STARD9: variants seen among roughly 807,000 people sequenced by gnomAD.
STARD9 encodes stAR-related lipid transfer protein 9.
A neutral mutation model predicts 399.8 loss-of-function variants in STARD9; 346 were observed. The ratio of observed to expected loss-of-function variants is 0.87; its 90% CI spans 0.79 to 0.95. STARD9 has a LOEUF of 0.95. Among genes scored for constraint, STARD9 ranks in the 40% least tolerant of loss-of-function variants. The probability of loss-of-function intolerance (pLI) is 0.00; values close to 1 mark genes in which losing one functional copy is unlikely to be tolerated. For synonymous variants in STARD9, 2,203 were observed against 2,143.5 expected (o/e 1.03, Z -0.77); for missense variants, 5,832 against 5,667.5 (o/e 1.03, Z -0.93).
intron 7 of STARD9, among the ~76,000 whole-genome samples, chr15:42,646,189 G>GATAATAATA (rs904271705): frequency 6.6e-6 from 1 of 151,464 alleles, no homozygotes; most frequent in African/African-American, 2.4e-5. Flanking sequence ...TAATAATAAT[G>GATAATAATA]ATAATAATAA....
Position 42,682,562 on chromosome 15 carries a change from C to A in STARD9, c.2524C>A (p.Pro842Thr), listed in dbSNP as rs776501196. The A allele has an allele frequency of 6.5e-6, 10 of 1,535,602 alleles. No homozygotes were observed. Among genetic ancestry groups the A allele is most frequent in the South Asian group, 1.2e-5 (1 of 83,912 alleles). ...SPQRLCSKHM[P>T]QLHSIFLSWD... The stretch of plus-strand genomic sequence containing the variant: ...CCAAAGACTCTGCAGCAAGCACATG[C>A]CCCAGCTACACAGGTACAGCCAGTA... Residue 842 changes from proline to threonine, a missense_variant, in exon 22 of 33, where the codon CCC (proline) becomes ACC (threonine). Coordinates refer to ENST00000290607, the MANE Select transcript of STARD9 (RefSeq NM_020759.3).
intron 9 of STARD9, among the ~76,000 whole-genome samples, chr15:42,658,124 T>G (rs1054767495): frequency 6.6e-6 from 1 of 152,116 alleles, no homozygotes; most frequent in African/African-American, 2.4e-5. Flanking sequence ...ATCGAGTTAA[T>G]CACAATTTCA....
At chr15:42,631,566 C>T (rs1052587355) in intron 3 of STARD9, among the ~76,000 whole-genome samples, 4 of 150,974 alleles carry the variant, frequency 2.6e-5, no homozygotes, top group African/African-American at 4.9e-5. Context: ...GGTGACAGAG[C>T]GAGATTCCGT....
At chr15:42,619,028 CTG>C (rs2059031403) in intron 3 of STARD9, among the ~76,000 whole-genome samples, 1 of 151,902 alleles carries the variant, frequency 6.6e-6, no homozygotes. Context: ...GTTTTCTAGT[CTG>C]TTAATTTCAG....
intron 20 of STARD9, among the ~76,000 whole-genome samples, chr15:42,677,860 C>A (rs549460256): frequency 6.6e-6 from 1 of 152,302 alleles, no homozygotes; most frequent in South Asian, 2.1e-4. Context: ...CTTTCTTGTC[C>A]TCCTGTCTCA....
intron 3 of STARD9, among the ~76,000 whole-genome samples, chr15:42,587,768 T>C (rs1454925174): frequency 1.3e-5 from 2 of 152,184 alleles, no homozygotes; most frequent in Non-Finnish European, 2.9e-5. Flanking sequence ...TTTCTCCGTG[T>C]TGGTCAGGCT....
intron 3 of STARD9, among the ~76,000 whole-genome samples, chr15:42,602,680 A>G (rs767836352): frequency 2.6e-4 from 39 of 152,212 alleles, no homozygotes; most frequent in Non-Finnish European, 1.3e-4. Flanking sequence ...TGAAGTTGCA[A>G]AAGTCACACT....
rs2060018681 is a variant in STARD9 at position 42,662,946 on chromosome 15, T to G, written c.868+55T>G. On this transcript the variant is annotated intron_variant, in intron 11 of 32. Coordinates refer to ENST00000290607, the MANE Select transcript of STARD9 (RefSeq NM_020759.3). ...GGGAGAGTTCGGAAAATAACTCATG[T>G]TTTCATTTTGTCGCAATAGGGTAGA... 13 of 1,300,464 alleles carry G rather than the reference T, an allele frequency of 1.0e-5. No individual in the cohort carries two copies. In the Admixed American group the frequency reaches 1.4e-4, roughly 14 times the overall value. 80.6% of individuals were successfully genotyped at this position (1,300,464 alleles called of 1,614,324 possible). A position where few individuals can be genotyped will look rare whatever the true frequency, so the allele number is the denominator to read the frequency against.
chr15:42,714,093 T>C (rs1271662700), intron 26 of STARD9, among the ~76,000 whole-genome samples: 3 of 148,216 alleles, frequency 2.0e-5, no homozygotes, highest in Non-Finnish European at 4.5e-5. Context: ...GACGGTGTCT[T>C]GCTCTGTCCC....
intron 9 of STARD9, among the ~76,000 whole-genome samples, chr15:42,654,401 A>G (rs571208183): frequency 6.6e-6 from 1 of 152,300 alleles, no homozygotes; most frequent in East Asian, 1.9e-4. Flanking sequence ...AAGATATACC[A>G]TAATAATAGT....
rs749841283 is a variant in STARD9 at position 42,717,755 on chromosome 15, T to C, written c.13519T>C (p.Leu4507=). 1.7e-5 allele frequency: 26 copies of C among 1,537,172 alleles called. No homozygotes were observed. Among genetic ancestry groups the C allele is most frequent in the Middle Eastern group, 1.7e-4 (1 of 5,990 alleles). ...GGTAATGGCTGCTTGTTCGGATAATTTGCACAACCTCTTCAGCTGCCAGGC... is the reference window on the plus strand; with the variant it reads ...GGTAATGGCTGCTTGTTCGGATAATCTGCACAACCTCTTCAGCTGCCAGGC... The part of the protein sequence containing the change: ...ADVMAACSDN[L]HNLFSCQATA... Residue 4507 remains leucine (L), a synonymous_variant, in exon 29 of 33, where the codon TTG becomes CTG. Coordinates refer to ENST00000290607, the MANE Select transcript of STARD9 (RefSeq NM_020759.3).
chr15:42,710,263 A>G (rs1047644374), intron 26 of STARD9, among the ~76,000 whole-genome samples: 8 of 150,626 alleles, frequency 5.3e-5, no homozygotes, highest in African/African-American at 1.7e-4. Flanking sequence ...GGGTTTTACC[A>G]TGTTGCCCAG....
intron 9 of STARD9, among the ~76,000 whole-genome samples, chr15:42,660,002 A>G (rs2059962102): frequency 6.6e-6 from 1 of 152,226 alleles, no homozygotes; most frequent in Non-Finnish European, 1.5e-5. Flanking sequence ...ACTGTGGTAT[A>G]TCCACACAAT....
chr15:42,694,931 A>G (rs193279731), intron 24 of STARD9, among the ~76,000 whole-genome samples: 16 of 152,298 alleles, frequency 1.1e-4, no homozygotes, highest in Admixed American at 7.2e-4. Context: ...CTGACATGCT[A>G]TGCAAGTCTG....
chr15:42,713,789 A>G (rs976078815), intron 26 of STARD9, among the ~76,000 whole-genome samples: 5 of 152,078 alleles, frequency 3.3e-5, no homozygotes. Context: ...TCAGTTTACT[A>G]GTATTTTGTT....
rs1229927901 is a variant in STARD9, at chr15:42,674,813, C to T, written c.1550-14C>T. On this transcript the variant is annotated splice_polypyrimidine_tract_variant and intron_variant, in intron 17 of 32. Transcript: ENST00000290607. ...ATCGTCCTCCCACCCAAGTGACCAC[C>T]ACCTCTTTTGTAGTCCTGCAGGGTC... The T allele has an allele frequency of 2.6e-6, 4 of 1,511,214 alleles. No homozygotes were observed. In the African/African-American group the frequency reaches 5.5e-5, roughly 21 times the overall value. 93.6% of individuals were successfully genotyped at this position (1,511,214 alleles called of 1,614,324 possible).
rs764206559 is a variant in STARD9, at chr15:42,585,532, A to G, written c.129A>G (p.Arg43=). 2.0e-6 allele frequency: 3 copies of G among 1,536,862 alleles called. No individual in the cohort carries two copies. Among genetic ancestry groups the G allele is most frequent in the South Asian group, 2.4e-5 (2 of 84,040 alleles). The change falls in exon 3 of 33, where the codon CGA becomes CGG. Residue 43 remains arginine, a synonymous_variant. Transcript: ENST00000290607. ...ATGTTTGATTTTAGGTGGACAATCG[A>G]CCAGATGGCTTTGGGGACTCCCGGG... ...AKIRNLKVDN[R]PDGFGDSREK...
intron 30 of STARD9, 69 bp downstream of exon 30, chr15:42,718,248 G>T: frequency 2.1e-6 from 3 of 1,436,144 alleles, no homozygotes; most frequent in East Asian, 2.5e-5. Flanking sequence ...CTTGCTGGGG[G>T]ATAGAGGTGG....
At chr15:42,627,786 C>G (rs2059255361) in intron 3 of STARD9, among the ~76,000 whole-genome samples, 1 of 152,158 alleles carries the variant, frequency 6.6e-6, no homozygotes, top group African/African-American at 2.4e-5. Flanking sequence ...CTGAGTAGTA[C>G]TCCATTTTGT....
Sources: allele counts gnomAD v4.1 joint callset (sites outside exome capture counted in the v4.1 genomes callset), GRCh38; gene constraint gnomAD v4.1.1; transcripts MANE v1.5; gene names NCBI Gene and HGNC (gene_info 2026-07-23, HGNC 2026-07-21).